FGF13: variants seen among roughly 807,000 people sequenced by gnomAD.
The protein encoded by FGF13 is fibroblast growth factor homologous factor 2.
FGF13 carries 2 observed loss-of-function variants against 19.5 expected under a neutral mutation model. That is an observed-to-expected ratio of 0.10 (90% CI 0.04 to 0.32). The LOEUF (loss-of-function observed/expected upper bound fraction) is 0.32, where lower values mean the gene tolerates loss of function less well. Ranked by LOEUF, FGF13 falls within the 10% of genes least tolerant of loss-of-function variation. The pLI is 1.00. For missense variants in FGF13, 113 were observed against 192.7 expected, an observed-to-expected ratio of 0.59 and a Z score of 2.45; for synonymous variants, 72 against 76.9, an observed-to-expected ratio of 0.94 and a Z score of 0.33.
chrX:139,111,325 C>A (rs182725694), intron 1 of FGF13, among the ~76,000 whole-genome samples: 1 of 111,625 alleles, frequency 9.0e-6, no homozygotes, highest in African/African-American at 3.3e-5. Flanking sequence ...TGGAAGAGGA[C>A]GGGATATAAT....
At chrX:139,054,995 G>T (rs577997287) in intron 1 of FGF13, among the ~76,000 whole-genome samples, 2 of 110,537 alleles carry the variant, frequency 1.8e-5, no homozygotes, top group African/African-American at 6.6e-5. Flanking sequence ...GGTCGCTGTT[G>T]GTGTATAGAA....
chrX:139,036,632 G>A (rs751141755), intron 1 of FGF13, among the ~76,000 whole-genome samples: 4 of 111,190 alleles, frequency 3.6e-5, no homozygotes, highest in African/African-American at 6.5e-5. Flanking sequence ...CAAGCATAGT[G>A]TATTAGTCCA....
At chrX:138,737,311 C>T (rs980590499) in intron 1 of FGF13, among the ~76,000 whole-genome samples, 1 of 111,793 alleles carries the variant, frequency 8.9e-6, no homozygotes, top group Non-Finnish European at 1.9e-5. Flanking sequence ...ACCTTTCTTG[C>T]GACTCGCCAT....
intron 3 of FGF13, among the ~76,000 whole-genome samples, chrX:138,672,726 A>C (rs2089626852): frequency 8.9e-6 from 1 of 111,734 alleles, no homozygotes; most frequent in African/African-American, 3.3e-5. Flanking sequence ...CAGTGTTTGA[A>C]GTCATGAGAG....
At chrX:139,175,893 T>G (rs2084178022) in intron 1 of FGF13, among the ~76,000 whole-genome samples, 1 of 112,077 alleles carries the variant, frequency 8.9e-6, no homozygotes, top group Non-Finnish European at 1.9e-5. Flanking sequence ...CAGGTTTTGG[T>G]AGCAGGATGA....
chrX:138,918,180 A>G (rs1326829806), intron 1 of FGF13, among the ~76,000 whole-genome samples: 1 of 108,237 alleles, frequency 9.2e-6, no homozygotes, highest in Non-Finnish European at 1.9e-5. Flanking sequence ...AAAAAATAGG[A>G]TTTCCTGTTT....
intron 3 of FGF13, among the ~76,000 whole-genome samples, chrX:138,650,673 C>T (rs975172281): frequency 6.3e-5 from 7 of 111,407 alleles, no homozygotes; most frequent in African/African-American, 2.3e-4. Flanking sequence ...AGTGATGTTT[C>T]GATACATGTA....
At chrX:139,137,056 G>T (rs754239261) in intron 1 of FGF13, among the ~76,000 whole-genome samples, 4 of 111,781 alleles carry the variant, frequency 3.6e-5, no homozygotes, top group African/African-American at 1.3e-4. Flanking sequence ...CATTTAGATA[G>T]GTCATTCACC....
At position 138,625,733 on chromosome X, in the gene FGF13, G is replaced by T. The variant is rs908092728; in HGVS notation, c.*7117C>A. The T allele has an allele frequency of 3.6e-4, 39 of 107,912 alleles. No homozygotes were observed. Among genetic ancestry groups the T allele is most frequent in the African/African-American group, 1.3e-3 (38 of 29,675 alleles). The allele number at this position is 107,912 out of a possible 1,213,427, so 8.9% of individuals were successfully genotyped here. ...AATGGTGGTTACCAGGGTCTAGGGG[G>T]TGAGGTAACGTGGAGCTGTAAAAAA... On this transcript the variant is annotated 3_prime_UTR_variant, in exon 5 of 5. Transcript: ENST00000315930.
intron 3 of FGF13, among the ~76,000 whole-genome samples, chrX:138,818,969 C>T (rs1036075011): frequency 9.0e-6 from 1 of 111,638 alleles, no homozygotes; most frequent in African/African-American, 3.3e-5. Context: ...GCAAGTCATT[C>T]AGCCTCTTAA....
chrX:139,013,578 C>A (rs1450326619), intron 1 of FGF13, among the ~76,000 whole-genome samples: 5 of 100,403 alleles, frequency 5.0e-5, no homozygotes, highest in African/African-American at 1.9e-4. Context: ...TATTGGCATT[C>A]ACAGCAACCT....
At position 139,043,821 on chromosome X, in the gene FGF13, G is replaced by A. The variant is rs140352033; in HGVS notation, c.-113+159595C>T. ...AAAGTTCTGTCACATGCTACATCAC[G>A]GTTGAACTCTTGGAAACATTTTGCT... On this transcript the variant is annotated intron_variant, in intron 1 of 2. Coordinates refer to the FGF13 transcript ENST00000421460. Among the ~76,000 whole-genome samples, 112 of 112,104 alleles carry A rather than the reference G, an allele frequency of 1.0e-3. 2 individuals are homozygous for A. Among genetic ancestry groups the A allele is most frequent in the African/African-American group, 3.5e-3 (107 of 30,750 alleles).
chrX:139,060,404 T>C (rs1443690599), intron 1 of FGF13, among the ~76,000 whole-genome samples: 1 of 111,530 alleles, frequency 9.0e-6, no homozygotes. Flanking sequence ...AGTATATTTC[T>C]ATAAATTAAA....
intron 1 of FGF13, among the ~76,000 whole-genome samples, chrX:138,981,948 G>A (rs937272999): frequency 1.8e-5 from 2 of 111,506 alleles, no homozygotes; most frequent in African/African-American, 6.5e-5. Flanking sequence ...GAGCCAAGCA[G>A]TTTGACAAGG....
chrX:139,133,755 G>A (rs1172800321), intron 1 of FGF13, among the ~76,000 whole-genome samples: 1 of 111,255 alleles, frequency 9.0e-6, no homozygotes, highest in Admixed American at 9.6e-5. Context: ...TCCGGCCTCT[G>A]AGTTCCTTGC....
At chrX:139,087,307 A>G (rs1603192734) in intron 1 of FGF13, among the ~76,000 whole-genome samples, 1 of 110,955 alleles carries the variant, frequency 9.0e-6, no homozygotes, top group East Asian at 2.8e-4. Flanking sequence ...AAAAAAAAAA[A>G]GAATAAGAAA....
chrX:138,926,974 C>A (rs774448500), intron 1 of FGF13, among the ~76,000 whole-genome samples: 2 of 111,282 alleles, frequency 1.8e-5, no homozygotes, highest in African/African-American at 6.5e-5. Context: ...AAAACAAAAA[C>A]AAAAATACAA....
At chrX:139,136,711 A>C (rs2083804695) in intron 1 of FGF13, among the ~76,000 whole-genome samples, 2 of 112,010 alleles carry the variant, frequency 1.8e-5, no homozygotes. Flanking sequence ...GTGACAACAC[A>C]TGGGAAATGT....
At chrX:138,906,930 G>A (rs1273695438) in intron 1 of FGF13, among the ~76,000 whole-genome samples, 1 of 111,796 alleles carries the variant, frequency 8.9e-6, no homozygotes, top group Non-Finnish European at 1.9e-5. Flanking sequence ...AAATTTGGCA[G>A]ATCATTATTC....
Sources: allele counts gnomAD v4.1 joint callset (sites outside exome capture counted in the v4.1 genomes callset), GRCh38; gene constraint gnomAD v4.1.1; transcripts MANE v1.5; gene names NCBI Gene and HGNC (gene_info 2026-07-23, HGNC 2026-07-21).